DOK6: variants seen among roughly 807,000 people sequenced by gnomAD.
The protein encoded by DOK6 is downstream of tyrosine kinase 6.
In DOK6, 22 loss-of-function variants were observed where a neutral mutation model predicts 44.0. The observed-to-expected ratio is 0.50, with a 90% CI of 0.36 to 0.71. The LOEUF (loss-of-function observed/expected upper bound fraction) is 0.71. Among genes scored for constraint, DOK6 ranks in the 30% least tolerant of loss-of-function variants. DOK6 has a pLI of 0.00. For synonymous variants in DOK6, 166 were observed against 145.5 expected (o/e 1.14, Z -1.01); for missense variants, 340 against 416.4 (o/e 0.82, Z 1.60).
intron 7 of DOK6, among the ~76,000 whole-genome samples, chr18:69,785,542 G>C (rs1980404569): frequency 6.6e-6 from 1 of 152,064 alleles, no homozygotes; most frequent in Non-Finnish European, 1.5e-5. Context: ...AATCAAGGCA[G>C]GTTTTTTTTC....
intron 6 of DOK6, among the ~76,000 whole-genome samples, chr18:69,749,126 A>G (rs1979084120): frequency 6.7e-6 from 1 of 150,092 alleles, no homozygotes; most frequent in African/African-American, 2.4e-5. Flanking sequence ...GGACACAGGG[A>G]TGGGGACAAC....
chr18:69,738,832 C>G (rs1978700691), intron 5 of DOK6, 133 bp from the exon 6 acceptor site: 1 of 1,107,958 alleles, frequency 9.0e-7, no homozygotes, highest in Non-Finnish European at 1.3e-6. Flanking sequence ...TTGGTTACGG[C>G]TGAATCAGCC....
chr18:69,828,156 C>T (rs1372508307), intron 7 of DOK6, among the ~76,000 whole-genome samples: 2 of 151,762 alleles, frequency 1.3e-5, no homozygotes, highest in African/African-American at 4.8e-5. Context: ...TTCTTTATGA[C>T]TGAGACTTTG....
chr18:69,588,706 T>G (rs1361090018), intron 2 of DOK6, among the ~76,000 whole-genome samples: 1 of 152,100 alleles, frequency 6.6e-6, no homozygotes, highest in Admixed American at 6.6e-5. Flanking sequence ...AAAATCAGGT[T>G]CTGGTAAGAG....
chr18:69,699,902 T>G (rs983807269), intron 5 of DOK6, among the ~76,000 whole-genome samples: 1 of 151,430 alleles, frequency 6.6e-6, no homozygotes, highest in Non-Finnish European at 1.5e-5. Flanking sequence ...AAGGAAGAGG[T>G]TTAATGGACT....
intron 7 of DOK6, among the ~76,000 whole-genome samples, chr18:69,825,531 G>A (rs1981716762): frequency 6.7e-6 from 1 of 148,316 alleles, no homozygotes; most frequent in Admixed American, 6.8e-5. Flanking sequence ...TGCCTCCTGG[G>A]CATGCTATTC....
chr18:69,617,437 G>T (rs1984315013), intron 3 of DOK6, among the ~76,000 whole-genome samples: 1 of 147,328 alleles, frequency 6.8e-6, no homozygotes, highest in Non-Finnish European at 1.5e-5. Flanking sequence ...AAAGAAAGAG[G>T]GAGGGAGAGA....
chr18:69,476,735 T>C (rs1980276350), intron 1 of DOK6, among the ~76,000 whole-genome samples: 1 of 152,212 alleles, frequency 6.6e-6, no homozygotes, highest in Non-Finnish European at 1.5e-5. Flanking sequence ...CAGGGCCGAC[T>C]GCGGCCTGCA....
intron 3 of DOK6, among the ~76,000 whole-genome samples, chr18:69,627,997 TGAATTTTA>T (rs1169219028): frequency 6.6e-6 from 1 of 152,224 alleles, no homozygotes; most frequent in Non-Finnish European, 1.5e-5. Flanking sequence ...CTCCTTTAAA[TGAATTTTA>T]TGCATAATGT....
chr18:69,593,420 CATTAT>C (rs1458729781), intron 2 of DOK6, among the ~76,000 whole-genome samples: 6 of 151,814 alleles, frequency 4.0e-5, no homozygotes, highest in Non-Finnish European at 5.9e-5. Flanking sequence ...TGATACTCTT[CATTAT>C]ATTTTTCTTT....
intron 1 of DOK6, among the ~76,000 whole-genome samples, chr18:69,547,487 G>A (rs1166338717): frequency 6.6e-6 from 1 of 151,268 alleles, no homozygotes; most frequent in Admixed American, 6.6e-5. Context: ...AACCATTCAT[G>A]ACAAATCCAC....
rs566161574 is a variant in DOK6, at chr18:69,415,626, T to C, written c.66+14316T>C. ...CAGTGAGTGCATGCAGATAGCCGTA[T>C]TGATATATTATGTAACATTTTGGCT... On this transcript the variant is annotated intron_variant, in intron 1 of 7. Coordinates refer to ENST00000382713, the MANE Select transcript of DOK6 (RefSeq NM_152721.6). Among the ~76,000 whole-genome samples the C allele has an allele frequency of 4.6e-5, 7 of 152,230 alleles. No individual in the cohort carries two copies. The East Asian group carries it at 7.7e-4, about 17-fold the overall frequency.
At chr18:69,485,670 G>A (rs1461410540) in intron 1 of DOK6, among the ~76,000 whole-genome samples, 1 of 152,070 alleles carries the variant, frequency 6.6e-6, no homozygotes, top group Admixed American at 6.6e-5. Flanking sequence ...TTATGTCTAA[G>A]GGATTCTAGA....
chr18:69,550,746 T>C (rs1265790381), intron 1 of DOK6, among the ~76,000 whole-genome samples: 2 of 151,312 alleles, frequency 1.3e-5, no homozygotes, highest in African/African-American at 4.8e-5. Flanking sequence ...TAAGTTTTTT[T>C]ATTTGTTTGT....
At chr18:69,648,749 T>C (rs1985147651) in intron 3 of DOK6, among the ~76,000 whole-genome samples, 1 of 152,310 alleles carries the variant, frequency 6.6e-6, no homozygotes, top group Non-Finnish European at 1.5e-5. Context: ...GTGGAATTTG[T>C]AGAAAATAAT....
intron 3 of DOK6, among the ~76,000 whole-genome samples, chr18:69,676,869 T>G (rs1985933836): frequency 6.6e-6 from 1 of 152,188 alleles, no homozygotes; most frequent in Non-Finnish European, 1.5e-5. Flanking sequence ...TGAAAGCCTG[T>G]GAAAACTTTA....
At chr18:69,711,517 C>A (rs986164453) in intron 5 of DOK6, among the ~76,000 whole-genome samples, 5 of 152,172 alleles carry the variant, frequency 3.3e-5, no homozygotes, top group Non-Finnish European at 7.4e-5. Flanking sequence ...TTTGGAAAAT[C>A]AGCATCTACT....
intron 6 of DOK6, among the ~76,000 whole-genome samples, chr18:69,745,704 A>AGTTTAAGTAC (rs1247963195): frequency 6.6e-6 from 1 of 152,240 alleles, no homozygotes; most frequent in Admixed American, 6.5e-5. Context: ...TCTGTGCTTC[A>AGTTTAAGTAC]GTTACCTGTA....
intron 7 of DOK6, among the ~76,000 whole-genome samples, chr18:69,763,479 G>A (rs1319008846): frequency 6.6e-6 from 1 of 152,136 alleles, no homozygotes; most frequent in Admixed American, 6.5e-5. Flanking sequence ...ACTCTGAAGT[G>A]AATACATACT....
Sources: gnomAD v4.1 joint callset for allele counts (sites outside exome capture counted in the v4.1 genomes callset) on GRCh38, gnomAD v4.1.1 for gene constraint, MANE v1.5 for transcripts, NCBI Gene and HGNC (gene_info 2026-07-23, HGNC 2026-07-21) for gene names.